Variants in ERBB4 observed in about 807,000 individuals in gnomAD.
The protein encoded by ERBB4 is erb-b2 receptor tyrosine kinase 4.
Under a neutral mutation model 158.0 loss-of-function variants are expected in ERBB4, and 42 were observed. The observed-to-expected ratio is 0.27, with a 90% CI of 0.21 to 0.34. The LOEUF (loss-of-function observed/expected upper bound fraction) is 0.34, where lower values mean the gene tolerates loss of function less well. Among genes scored for constraint, ERBB4 ranks in the 10% least tolerant of loss-of-function variants. ERBB4 has a pLI of 1.00. For missense variants in ERBB4, 1,333 were observed against 1,624.1 expected (o/e 0.82, Z 3.08); for synonymous variants, 583 against 558.7 (o/e 1.04, Z -0.61).
intron 16 of ERBB4, among the ~76,000 whole-genome samples, chr2:211,631,565 T>C (rs979915321): frequency 6.6e-6 from 1 of 152,186 alleles, no homozygotes; most frequent in African/African-American, 2.4e-5. Flanking sequence ...TAATGTATTG[T>C]TAGCAAAGAT....
At chr2:212,140,865 G>C (rs1250342580) in intron 1 of ERBB4, among the ~76,000 whole-genome samples, 1 of 150,940 alleles carries the variant, frequency 6.6e-6, no homozygotes, top group Non-Finnish European at 1.5e-5. Flanking sequence ...GTGTGTGTGT[G>C]TGTGTGTGTG....
chr2:212,431,306 TAAA>T (rs35419362), intron 1 of ERBB4, among the ~76,000 whole-genome samples: 7 of 86,874 alleles, frequency 8.1e-5, no homozygotes, highest in African/African-American at 3.0e-4. Context: ...CTGCTCATAT[TAAA>T]AAAAAAAAAA....
At chr2:211,425,100 A>ATGAT (rs1363192002) in intron 22 of ERBB4, among the ~76,000 whole-genome samples, 1 of 152,110 alleles carries the variant, frequency 6.6e-6, no homozygotes, top group Non-Finnish European at 1.5e-5. Context: ...TTGTAATGTA[A>ATGAT]TGATTATATA....
chr2:211,673,980 C>T (rs1489583079), intron 13 of ERBB4, among the ~76,000 whole-genome samples: 1 of 152,060 alleles, frequency 6.6e-6, no homozygotes, highest in Non-Finnish European at 1.5e-5. Context: ...GGATGGTGGT[C>T]ATCCCTTCCT....
chr2:211,843,339 C>T (rs1046772797), intron 3 of ERBB4, among the ~76,000 whole-genome samples: 15 of 152,140 alleles, frequency 9.9e-5, no homozygotes, highest in South Asian at 8.3e-4. Context: ...TAAGAAGATG[C>T]GTCCTAGAGC....
chr2:212,338,943 T>G (rs2088573766), intron 1 of ERBB4, among the ~76,000 whole-genome samples: 1 of 152,132 alleles, frequency 6.6e-6, no homozygotes, highest in Non-Finnish European at 1.5e-5. Flanking sequence ...TCAACTGGGT[T>G]TTTTAAAGAT....
At chr2:212,376,604 G>A (rs1274608401) in intron 1 of ERBB4, among the ~76,000 whole-genome samples, 1 of 151,992 alleles carries the variant, frequency 6.6e-6, no homozygotes, top group Non-Finnish European at 1.5e-5. Context: ...CCAACTTACA[G>A]TCCTGATCTG....
chr2:212,221,187 A>G (rs1204444483), intron 1 of ERBB4, among the ~76,000 whole-genome samples: 1 of 151,504 alleles, frequency 6.6e-6, no homozygotes, highest in East Asian at 1.9e-4. Context: ...TGGAGTTTAT[A>G]GTGTTAGGGG....
chr2:211,661,524 T>C (rs1226582190), intron 15 of ERBB4, among the ~76,000 whole-genome samples: 4 of 152,196 alleles, frequency 2.6e-5, no homozygotes, highest in Non-Finnish European at 4.4e-5. Flanking sequence ...CCTTTGTTAG[T>C]ACTAATGACT....
At chr2:212,331,349 T>C (rs991889655) in intron 1 of ERBB4, among the ~76,000 whole-genome samples, 4 of 151,544 alleles carry the variant, frequency 2.6e-5, no homozygotes, top group Admixed American at 2.6e-4. Flanking sequence ...CGAGAATGTC[T>C]CAATGCTGAC....
At chr2:211,768,219 G>T (rs1424630886) in intron 4 of ERBB4, among the ~76,000 whole-genome samples, 8 of 152,192 alleles carry the variant, frequency 5.3e-5, no homozygotes, top group African/African-American at 1.9e-4. Context: ...GCAAGAGGTG[G>T]GCTCTGAAGG....
chr2:211,572,640 G>C (rs889579761), intron 19 of ERBB4, among the ~76,000 whole-genome samples: 1 of 152,102 alleles, frequency 6.6e-6, no homozygotes, highest in African/African-American at 2.4e-5. Flanking sequence ...CCTTCCCCTG[G>C]TTTCTTCAAG....
At chr2:211,677,150 AT>A (rs2072108407) in intron 13 of ERBB4, among the ~76,000 whole-genome samples, 1 of 152,154 alleles carries the variant, frequency 6.6e-6, no homozygotes, top group African/African-American at 2.4e-5. Flanking sequence ...TGATCTATAT[AT>A]TTTTATTTTT....
chr2:211,727,214 A>C (rs1445359622), intron 5 of ERBB4, among the ~76,000 whole-genome samples: 2 of 152,150 alleles, frequency 1.3e-5, no homozygotes, highest in Non-Finnish European at 2.9e-5. Context: ...CACCATTTTT[A>C]AGATGGAGTT....
intron 1 of ERBB4, among the ~76,000 whole-genome samples, chr2:212,448,110 T>C (rs2092389861): frequency 6.6e-6 from 1 of 152,100 alleles, no homozygotes; most frequent in South Asian, 2.1e-4. Flanking sequence ...CTTAATATGG[T>C]TTCTTTAACT....
intron 1 of ERBB4, among the ~76,000 whole-genome samples, chr2:212,245,886 G>T (rs1029119958): frequency 1.3e-5 from 2 of 152,098 alleles, no homozygotes. Context: ...AAAGGGAGAT[G>T]GGAGAAAAAT....
chr2:212,192,669 T>A (rs748113035), intron 1 of ERBB4, among the ~76,000 whole-genome samples: 21 of 152,140 alleles, frequency 1.4e-4, no homozygotes, highest in Non-Finnish European at 2.2e-4. Context: ...TTTTAAAGGA[T>A]TCATACTGAG....
chr2:212,174,871 T>G (rs2081614243), intron 1 of ERBB4, among the ~76,000 whole-genome samples: 1 of 152,036 alleles, frequency 6.6e-6, no homozygotes, highest in Non-Finnish European at 1.5e-5. Context: ...ATCATGGCAT[T>G]GCATACACAA....
At chr2:211,480,312 T>C (rs2065050688) in intron 20 of ERBB4, among the ~76,000 whole-genome samples, 1 of 152,148 alleles carries the variant, frequency 6.6e-6, no homozygotes, top group African/African-American at 2.4e-5. Flanking sequence ...CCAAATCTCA[T>C]GTCGAATTGT....
Sources: gnomAD v4.1 joint callset for allele counts (sites outside exome capture counted in the v4.1 genomes callset) on GRCh38, gnomAD v4.1.1 for gene constraint, MANE v1.5 for transcripts, NCBI Gene and HGNC (gene_info 2026-07-23, HGNC 2026-07-21) for gene names.